Variants in PKN2 observed in about 807,000 individuals in gnomAD.
PKN2 encodes the protein serine/threonine-protein kinase N2.
A neutral mutation model predicts 119.1 loss-of-function variants in PKN2; 38 were observed. The observed-to-expected ratio is 0.32, with a 90% CI of 0.25 to 0.42. The LOEUF (loss-of-function observed/expected upper bound fraction) is 0.42, where lower values mean the gene tolerates loss of function less well. PKN2 is among the 10% of genes least tolerant of loss of function. The probability of loss-of-function intolerance (pLI) is 1.00; values close to 1 mark genes in which losing one functional copy is unlikely to be tolerated. For missense variants in PKN2, 850 were observed against 1,165.1 expected (o/e 0.73, Z 3.94); for synonymous variants, 390 against 384.9 (o/e 1.01, Z -0.15).
chr1:88,715,073 AT>A (rs1667390097), intron 1 of PKN2, among the ~76,000 whole-genome samples: 1 of 152,054 alleles, frequency 6.6e-6, no homozygotes, highest in South Asian at 2.1e-4. Flanking sequence ...GCTGGATTAC[AT>A]TTATTGATTT....
At chr1:88,828,731 GT>G in intron 19 of PKN2, 108 bp downstream of exon 19, 1 of 874,518 alleles carries the variant, frequency 1.1e-6, no homozygotes, top group Non-Finnish European at 1.7e-6. Flanking sequence ...TGGAATTTAA[GT>G]TTTATAAATA....
At chr1:88,784,107 A>G (rs935328006) in intron 6 of PKN2, among the ~76,000 whole-genome samples, 2 of 145,618 alleles carry the variant, frequency 1.4e-5, no homozygotes, top group Non-Finnish European at 3.0e-5. Context: ...CCCTCTATAC[A>G]GACAACTTTT....
intron 6 of PKN2, chr1:88,781,181 T>A (rs1359380756): frequency 7.8e-7 from 1 of 1,275,554 alleles, no homozygotes; most frequent in East Asian, 5.8e-5. Flanking sequence ...TTTGCTGTTC[T>A]GAATTTTTCA....
At position 88,828,490 on chromosome 1, in the gene PKN2, A is replaced by G. The variant is rs754548194; in HGVS notation, c.2429A>G (p.Tyr810Cys). ...DFGLCKEGMG[Y>C]GDRTSTFCGT... Reference sequence around the variant, plus strand: ...ATTTTATCTTTTCCAGGAATGGGATATGGAGATAGAACAAGCACATTTTGT... The same window carrying G: ...ATTTTATCTTTTCCAGGAATGGGATGTGGAGATAGAACAAGCACATTTTGT... Residue 810 changes from tyrosine (Y) to cysteine (C), a missense_variant, in exon 19 of 22, where the codon TAT (tyrosine) becomes TGT (cysteine). Around this residue, in one of 9 missense-constraint regions of PKN2, gnomAD observed 55 missense variants for 85.9 expected, o/e 0.64. Transcript: ENST00000370521. 11 of 1,609,364 alleles carry G rather than the reference A, an allele frequency of 6.8e-6. No individual in the cohort carries two copies. The highest frequency in any genetic ancestry group is 9.4e-6 in the Non-Finnish European group (11 of 1,176,416).
chr1:88,821,076 C>A (rs1199805530), intron 16 of PKN2, among the ~76,000 whole-genome samples: 2 of 152,176 alleles, frequency 1.3e-5, no homozygotes, highest in Admixed American at 1.3e-4. Context: ...CTGTCAAATG[C>A]CAAACTTAGT....
At chr1:88,766,330 C>T (rs1669668549) in intron 3 of PKN2, among the ~76,000 whole-genome samples, 2 of 152,076 alleles carry the variant, frequency 1.3e-5, no homozygotes, top group Admixed American at 1.3e-4. Flanking sequence ...GAATGACTGG[C>T]CTATTTATTA....
intron 1 of PKN2, among the ~76,000 whole-genome samples, chr1:88,698,909 T>C (rs1180553039): frequency 6.6e-6 from 1 of 152,210 alleles, no homozygotes; most frequent in Non-Finnish European, 1.5e-5. Context: ...TAGTTTCCTT[T>C]ACGACTATGT....
At chr1:88,746,167 A>G (rs1007983265) in intron 2 of PKN2, among the ~76,000 whole-genome samples, 2 of 152,184 alleles carry the variant, frequency 1.3e-5, no homozygotes, top group Non-Finnish European at 2.9e-5. Flanking sequence ...TCCTGAAACT[A>G]TAAAACTGCT....
At chr1:88,712,013 C>T (rs537503248) in intron 1 of PKN2, among the ~76,000 whole-genome samples, 85 of 152,036 alleles carry the variant, frequency 5.6e-4, no homozygotes, top group Non-Finnish European at 1.1e-3. Flanking sequence ...ACTTTTTTCC[C>T]TCTAAGCCTT....
At chr1:88,827,537 A>G (rs1672547074) in intron 18 of PKN2, among the ~76,000 whole-genome samples, 1 of 151,848 alleles carries the variant, frequency 6.6e-6, no homozygotes, top group African/African-American at 2.4e-5. Flanking sequence ...GTGCCCAAAA[A>G]GTTTCAGATT....
intron 6 of PKN2, among the ~76,000 whole-genome samples, chr1:88,776,733 C>G (rs1214328822): frequency 6.7e-6 from 1 of 148,830 alleles, no homozygotes; most frequent in Non-Finnish European, 1.5e-5. Flanking sequence ...GAGTAAGACT[C>G]TGTCTTAAGA....
intron 8 of PKN2, among the ~76,000 whole-genome samples, chr1:88,787,759 A>G (rs1204329640): frequency 6.6e-6 from 1 of 152,210 alleles, no homozygotes; most frequent in Non-Finnish European, 1.5e-5. Flanking sequence ...CTTTGGAATA[A>G]TGCTCCTTTT....
intron 1 of PKN2, among the ~76,000 whole-genome samples, chr1:88,693,273 G>A (rs1666402038): frequency 6.6e-6 from 1 of 152,110 alleles, no homozygotes; most frequent in Admixed American, 6.5e-5. Context: ...TGCTGGAGTT[G>A]ATCAGATTTA....
At chr1:88,779,352 T>G (rs1416681991) in intron 6 of PKN2, among the ~76,000 whole-genome samples, 2 of 152,188 alleles carry the variant, frequency 1.3e-5, no homozygotes, top group East Asian at 3.8e-4. Flanking sequence ...TGTCAGTTTC[T>G]TTTTCTGTTT....
intron 19 of PKN2, chr1:88,829,330 ACCAACAGCT>A: frequency 8.2e-6 from 4 of 487,228 alleles, no homozygotes; most frequent in South Asian, 2.4e-5. Context: ...TATTCGCTAC[ACCAACAGCT>A]CCACCGAGAT....
At position 88,833,774 on chromosome 1, in the gene PKN2, C is replaced by T. The variant is rs902785077; in HGVS notation, c.*326C>T. 4.2e-5 allele frequency: 9 copies of T among 213,030 alleles called. No homozygotes were observed. The highest frequency in any genetic ancestry group is 7.4e-5 in the Non-Finnish European group (8 of 107,590). The allele number at this position is 213,030 out of a possible 1,614,324, so 13.2% of individuals were successfully genotyped here. Reference sequence around the variant, plus strand: ...AGAAAAAAACCACTTTTTTATAGTCCCTAGCTTTGCCATATGCCCGCCTTA... The same window carrying T: ...AGAAAAAAACCACTTTTTTATAGTCTCTAGCTTTGCCATATGCCCGCCTTA... On this transcript the variant is annotated 3_prime_UTR_variant, in exon 22 of 22. Coordinates refer to ENST00000370521, the MANE Select transcript of PKN2 (RefSeq NM_006256.4).
intron 2 of PKN2, among the ~76,000 whole-genome samples, chr1:88,758,563 G>T (rs1266130601): frequency 1.3e-5 from 2 of 152,142 alleles, no homozygotes; most frequent in Non-Finnish European, 2.9e-5. Flanking sequence ...CCCAGTGACT[G>T]TTGTTCTCCT....
At chr1:88,825,909 A>C (rs1018755261) in intron 18 of PKN2, among the ~76,000 whole-genome samples, 1 of 152,128 alleles carries the variant, frequency 6.6e-6, no homozygotes, top group Non-Finnish European at 1.5e-5. Flanking sequence ...TGCAGCAACA[A>C]TGAACTGCTT....
chr1:88,740,841 G>T (rs2100744195), intron 1 of PKN2, 147 bp from the exon 2 acceptor site: 2 of 475,644 alleles, frequency 4.2e-6, no homozygotes, highest in Non-Finnish European at 7.3e-6. Context: ...TCAGTAAGTA[G>T]TTGGTCTATT....
Sources: gnomAD v4.1 joint callset for allele counts (sites outside exome capture counted in the v4.1 genomes callset) on GRCh38, gnomAD v4.1.1 for gene constraint, gnomAD v4.1.1 regional missense constraint, MANE v1.5 for transcripts, NCBI Gene and HGNC (gene_info 2026-07-23, HGNC 2026-07-21) for gene names.